DSE: variants seen among roughly 807,000 people sequenced by gnomAD.
The protein encoded by DSE is dermatan-sulfate epimerase.
Under a neutral mutation model 84.4 loss-of-function variants are expected in DSE, and 36 were observed. The ratio of observed to expected loss-of-function variants is 0.43; its 90% CI spans 0.33 to 0.56. The LOEUF (loss-of-function observed/expected upper bound fraction) is 0.56. DSE is among the 20% of genes least tolerant of loss of function. The pLI is 0.06. For missense variants in DSE, 862 were observed against 1,169.6 expected, an observed-to-expected ratio of 0.74 and a Z score of 3.84; for synonymous variants, 410 against 430.1, an observed-to-expected ratio of 0.95 and a Z score of 0.58.
At chr6:116,412,628 T>A (rs937474708) in intron 2 of DSE, 2 of 152,214 alleles carry the variant, frequency 1.3e-5, no homozygotes, top group Non-Finnish European at 2.9e-5. Context: ...AACAACCCAG[T>A]ACAGACATAA....
intron 2 of DSE, among the ~76,000 whole-genome samples, chr6:116,285,328 G>A (rs1773822245): frequency 6.6e-6 from 1 of 152,198 alleles, no homozygotes; most frequent in Non-Finnish European, 1.5e-5. Context: ...CTTTTGAGAA[G>A]TGACTGTTCA....
intron 2 of DSE, among the ~76,000 whole-genome samples, chr6:116,357,914 T>C (rs1778668345): frequency 6.6e-6 from 1 of 152,206 alleles, no homozygotes; most frequent in Admixed American, 6.5e-5. Context: ...ATGCCTCAAG[T>C]TTAAGCTGAT....
rs1784355480 is a variant in DSE at position 116,439,434 on chromosome 6, T to G, written c.*2089T>G. On this transcript the variant is annotated 3_prime_UTR_variant, in exon 6 of 6. Coordinates refer to ENST00000644252, the MANE Select transcript of DSE (RefSeq NM_013352.4). ...CAAAATGAATTAAAATTATGTGTTTTTTTTTTTTCTTCTAATGAACCTGGT... is the reference window on the plus strand; with the variant it reads ...CAAAATGAATTAAAATTATGTGTTTGTTTTTTTTCTTCTAATGAACCTGGT... The G allele has an allele frequency of 6.6e-6, 1 of 152,026 alleles. No individual in the cohort carries two copies. Among genetic ancestry groups the G allele is most frequent in the African/African-American group, 2.4e-5 (1 of 41,426 alleles). 9.4% of individuals were successfully genotyped at this position (152,026 alleles called of 1,614,324 possible).
rs1313468470 is a variant in DSE, at chr6:116,439,040, A to G, written c.*1695A>G. The stretch of plus-strand genomic sequence containing the variant: ...AGAATAATGCTTCCGTTTGTCCTGC[A>G]TGGATGCTCTTACTAGGATTTAAAC... On this transcript the variant is annotated 3_prime_UTR_variant, in exon 6 of 6. Coordinates refer to ENST00000644252, the MANE Select transcript of DSE (RefSeq NM_013352.4). 2 of 152,336 alleles carry G rather than the reference A, an allele frequency of 1.3e-5. No individual in the cohort carries two copies. Among genetic ancestry groups the G allele is most frequent in the Middle Eastern group, 3.4e-3 (1 of 294 alleles). 9.4% of individuals were successfully genotyped at this position (152,336 alleles called of 1,614,324 possible). A position where few individuals can be genotyped will look rare whatever the true frequency, so the allele number is the denominator to read the frequency against.
chr6:116,295,139 G>A (rs533468417), intron 2 of DSE, among the ~76,000 whole-genome samples: 2 of 152,230 alleles, frequency 1.3e-5, no homozygotes, highest in East Asian at 1.9e-4. Flanking sequence ...TTGCTGTGGC[G>A]GTTGGAGGAG....
At chr6:116,267,415 C>A (rs1356998053) in intron 2 of DSE, among the ~76,000 whole-genome samples, 2 of 150,840 alleles carry the variant, frequency 1.3e-5, no homozygotes, top group Non-Finnish European at 2.9e-5. Flanking sequence ...TTTGTGTCTT[C>A]ATTTTTAACA....
chr6:116,381,863 G>A (rs754236242), intron 1 of DSE, among the ~76,000 whole-genome samples: 4 of 152,100 alleles, frequency 2.6e-5, no homozygotes, highest in Non-Finnish European at 5.9e-5. Flanking sequence ...TACAGTGGTG[G>A]AGGCTAGAAG....
intron 2 of DSE, among the ~76,000 whole-genome samples, chr6:116,425,881 CA>C (rs551527474): frequency 1.3e-3 from 194 of 152,270 alleles, no homozygotes; most frequent in Non-Finnish European, 2.0e-3. Context: ...CTCGGCCTCC[CA>C]AAGTGGACAA....
chr6:116,262,397 A>T (rs1378336354), intron 2 of DSE, among the ~76,000 whole-genome samples: 1 of 152,098 alleles, frequency 6.6e-6, no homozygotes, highest in East Asian at 1.9e-4. Context: ...TTTCTACTTT[A>T]TGAGCATAGA....
intron 2 of DSE, among the ~76,000 whole-genome samples, chr6:116,335,131 C>T (rs1417641968): frequency 6.6e-6 from 1 of 152,096 alleles, no homozygotes; most frequent in Non-Finnish European, 1.5e-5. Flanking sequence ...ACCTAAATGC[C>T]CATCAGTGAT....
At chr6:116,293,218 A>G (rs1774405651) in intron 2 of DSE, among the ~76,000 whole-genome samples, 1 of 151,776 alleles carries the variant, frequency 6.6e-6, no homozygotes, top group Non-Finnish European at 1.5e-5. Flanking sequence ...AAGCAAAAAC[A>G]TTTGCTCAGA....
At chr6:116,432,095 C>CA (rs1312811618) in intron 4 of DSE, among the ~76,000 whole-genome samples, 3 of 152,116 alleles carry the variant, frequency 2.0e-5, no homozygotes, top group African/African-American at 7.2e-5. Flanking sequence ...GACTTACATT[C>CA]AAAAAAATAC....
chr6:116,381,693 G>A lies in DSE; in HGVS notation c.-54+10572G>A, dbSNP rs115767017. Among the ~76,000 whole-genome samples the A allele has an allele frequency of 9.3e-3, 1,418 of 152,176 alleles. 18 individuals are homozygous for A. The highest frequency in any genetic ancestry group is 0.032 in the African/African-American group (1,349 of 41,508). On this transcript the variant is annotated intron_variant, in intron 1 of 5. Coordinates refer to ENST00000644252, the MANE Select transcript of DSE (RefSeq NM_013352.4). The stretch of plus-strand genomic sequence containing the variant: ...TATGTAGCGTAGTTCTTGGCACTTG[G>A]CAAGCACAATAAAGGCACTTTATTG...
chr6:116,304,626 T>C (rs1775237008), intron 2 of DSE, among the ~76,000 whole-genome samples: 1 of 152,162 alleles, frequency 6.6e-6, no homozygotes, highest in African/African-American at 2.4e-5. Context: ...GAAATTCTGG[T>C]TGGGGGATTG....
intron 2 of DSE, among the ~76,000 whole-genome samples, chr6:116,304,143 A>G (rs543797879): frequency 8.1e-4 from 123 of 151,816 alleles, no homozygotes; most frequent in African/African-American, 2.8e-3. Context: ...AAAAAGAAAG[A>G]AAAAAACAGA....
chr6:116,407,383 T>C (rs954958106), intron 2 of DSE, among the ~76,000 whole-genome samples: 1 of 152,164 alleles, frequency 6.6e-6, no homozygotes, highest in Non-Finnish European at 1.5e-5. Flanking sequence ...TTTGTGTCAC[T>C]CTATTTCTTC....
At chr6:116,371,230 G>C in intron 1 of DSE, 109 bp downstream of exon 1, 1 of 982,730 alleles carries the variant, frequency 1.0e-6, no homozygotes. Flanking sequence ...GGGAGACGGA[G>C]AGCCACGTCC....
chr6:116,331,109 A>C lies in DSE; in HGVS notation c.-53-68089A>C, dbSNP rs1190433793. Among the ~76,000 whole-genome samples, 5 of 151,638 alleles carry C rather than the reference A, an allele frequency of 3.3e-5. No individual in the cohort carries two copies. In the East Asian group the frequency reaches 9.6e-4, roughly 29 times the overall value. Reference sequence around the variant, plus strand: ...AAATACATCTTTGGGCAAACGAAGAATAGAAGAGAGCTTCTTTAATCAAAT... The same window carrying C: ...AAATACATCTTTGGGCAAACGAAGACTAGAAGAGAGCTTCTTTAATCAAAT... On this transcript the variant is annotated intron_variant, in intron 2 of 3. Coordinates refer to the DSE transcript ENST00000430252.
At chr6:116,298,027 G>C (rs937719548) in intron 2 of DSE, among the ~76,000 whole-genome samples, 2 of 152,284 alleles carry the variant, frequency 1.3e-5, no homozygotes, top group Admixed American at 1.3e-4. Context: ...TCAGAGTTTA[G>C]GCCCTGGGGT....
Sources: gnomAD v4.1 joint callset for allele counts (sites outside exome capture counted in the v4.1 genomes callset) on GRCh38, gnomAD v4.1.1 for gene constraint, MANE v1.5 for transcripts, NCBI Gene and HGNC (gene_info 2026-07-23, HGNC 2026-07-21) for gene names.